ASAP2: variants seen among roughly 807,000 people sequenced by gnomAD.
The protein encoded by ASAP2 is arf-GAP with SH3 domain, ANK repeat and PH domain-containing protein 2.
ASAP2 carries 45 observed loss-of-function variants against 131.4 expected under a neutral mutation model. The observed-to-expected ratio is 0.34, with a 90% confidence interval of 0.27 to 0.44. The LOEUF (loss-of-function observed/expected upper bound fraction) is 0.44, where lower values mean the gene tolerates loss of function less well. ASAP2 is among the 20% of genes least tolerant of loss of function. The probability of loss-of-function intolerance (pLI) is 1.00; values close to 1 mark genes in which losing one functional copy is unlikely to be tolerated. For synonymous variants in ASAP2, 510 were observed against 503.0 expected (o/e 1.01, Z -0.19); for missense variants, 1,011 against 1,297.0 (o/e 0.78, Z 3.39).
At chr2:9,235,109 A>G (rs140044415) in intron 1 of ASAP2, among the ~76,000 whole-genome samples, 300 of 152,238 alleles carry the variant, frequency 2.0e-3, no homozygotes, top group African/African-American at 6.7e-3. Context: ...CGCCCGACAT[A>G]TGCCAACTGG....
intron 15 of ASAP2, among the ~76,000 whole-genome samples, chr2:9,366,254 G>A (rs1461140687): frequency 6.6e-6 from 1 of 152,038 alleles, no homozygotes; most frequent in Non-Finnish European, 1.5e-5. Context: ...CTGTCTCTCA[G>A]TTAACCAGCC....
At chr2:9,403,172 C>T (rs1676895503) in intron 27 of ASAP2, 81 bp from the exon 28 acceptor site, 1 of 1,241,320 alleles carries the variant, frequency 8.1e-7, no homozygotes, top group Non-Finnish European at 1.2e-6. Flanking sequence ...TTTTCTTCAC[C>T]AAACGCTCTA....
At chr2:9,251,227 G>C in intron 1 of ASAP2, among the ~76,000 whole-genome samples, 1 of 152,230 alleles carries the variant, frequency 6.6e-6, no homozygotes, top group East Asian at 1.9e-4. Flanking sequence ...AAGTAGAGGT[G>C]GGCCCTGTGG....
At chr2:9,307,526 C>T (rs768302668) in intron 3 of ASAP2, among the ~76,000 whole-genome samples, 12 of 152,194 alleles carry the variant, frequency 7.9e-5, no homozygotes, top group Admixed American at 3.9e-4. Flanking sequence ...CTGGGTTCTC[C>T]AGTGCTGCCC....
At chr2:9,284,710 G>T (rs1280748318) in intron 2 of ASAP2, among the ~76,000 whole-genome samples, 1 of 152,118 alleles carries the variant, frequency 6.6e-6, no homozygotes, top group Admixed American at 6.5e-5. Flanking sequence ...GGCTGCCATG[G>T]GTGTGGGCGG....
At chr2:9,372,027 TTG>T (rs976927241) in intron 16 of ASAP2, among the ~76,000 whole-genome samples, 1 of 152,144 alleles carries the variant, frequency 6.6e-6, no homozygotes, top group Non-Finnish European at 1.5e-5. Context: ...GTGCCCATGT[TTG>T]TGTAGGAGCT....
intron 9 of ASAP2, among the ~76,000 whole-genome samples, chr2:9,336,603 A>G (rs564477451): frequency 1.3e-5 from 2 of 152,310 alleles, no homozygotes; most frequent in South Asian, 2.1e-4. Flanking sequence ...TTTGGTAAAC[A>G]TGGGTCAACT....
At chr2:9,277,517 C>CT (rs769000120) in intron 1 of ASAP2, among the ~76,000 whole-genome samples, 5 of 152,152 alleles carry the variant, frequency 3.3e-5, no homozygotes, top group Non-Finnish European at 7.4e-5. Flanking sequence ...ACTCTCTACT[C>CT]TTTAGTATGG....
rs2709569 is a variant in ASAP2 at position 9,249,012 on chromosome 2, G to A, written c.127-30305G>A. Among the ~76,000 whole-genome samples, 1,155 of 152,314 alleles carry A rather than the reference G, an allele frequency of 7.6e-3. 17 individuals are homozygous for A. The highest frequency in any genetic ancestry group is 0.027 in the African/African-American group (1,113 of 41,570). ...CCCAACCCGAATACATAGGATGCTA[G>A]AATTTTAGGTCTAGAGGAGATTTTA... On this transcript the variant is annotated intron_variant, in intron 1 of 27. Transcript: ENST00000281419.
intron 16 of ASAP2, among the ~76,000 whole-genome samples, chr2:9,372,700 T>C (rs1674071455): frequency 6.6e-6 from 1 of 152,126 alleles, no homozygotes; most frequent in Non-Finnish European, 1.5e-5. Flanking sequence ...CACCCACTTA[T>C]TCCAGTTCAG....
At chr2:9,366,498 A>G (rs1391345520) in intron 15 of ASAP2, among the ~76,000 whole-genome samples, 1 of 152,128 alleles carries the variant, frequency 6.6e-6, no homozygotes, top group Non-Finnish European at 1.5e-5. Context: ...GCGCTCTGAC[A>G]TTGGGGTTCA....
chr2:9,256,111 G>A (rs779876715), intron 1 of ASAP2, among the ~76,000 whole-genome samples: 5 of 143,546 alleles, frequency 3.5e-5, no homozygotes, highest in Non-Finnish European at 4.5e-5. Flanking sequence ...ATATTTGCAC[G>A]TTCAGACATT....
At chr2:9,367,291 C>A (rs1673554450) in intron 15 of ASAP2, among the ~76,000 whole-genome samples, 1 of 151,926 alleles carries the variant, frequency 6.6e-6, no homozygotes, top group Non-Finnish European at 1.5e-5. Flanking sequence ...CCTCGGCCTC[C>A]CAAAGTGGTA....
In ASAP2 at chr2:9,387,217, A is replaced by AAAAAAAAC. The variant is rs1400779674; in HGVS notation, c.2131-1070_2131-1069insCAAAAAAA. On this transcript the variant is annotated intron_variant, in intron 21 of 27. Coordinates refer to ENST00000281419, the MANE Select transcript of ASAP2 (RefSeq NM_003887.3). ...CAACAGAGAGAGACTCTGTCTCAAAAAAAAAAAAAACCATATAACCTTCAG... is the reference window on the plus strand; with the variant it reads ...CAACAGAGAGAGACTCTGTCTCAAAAAAAAAAACAAAAAAAAAACCATATAACCTTCAG... Among the ~76,000 whole-genome samples, 204 of 151,580 alleles carry AAAAAAAAC rather than the reference A, an allele frequency of 1.3e-3. 5 individuals are homozygous for AAAAAAAAC. The highest frequency in any genetic ancestry group is 4.8e-3 in the African/African-American group (196 of 41,094).
chr2:9,326,138 T>C (rs1269112170), intron 6 of ASAP2, among the ~76,000 whole-genome samples: 1 of 152,176 alleles, frequency 6.6e-6, no homozygotes, highest in Non-Finnish European at 1.5e-5. Context: ...CCCAGCACTT[T>C]GGGAGGCTGA....
chr2:9,288,566 A>T (rs1158890510), intron 2 of ASAP2, among the ~76,000 whole-genome samples: 2 of 152,118 alleles, frequency 1.3e-5, no homozygotes, highest in Non-Finnish European at 1.5e-5. Context: ...AAAGCTGCTT[A>T]CCCTGGCAAA....
At chr2:9,245,205 A>G (rs1298782882) in intron 1 of ASAP2, among the ~76,000 whole-genome samples, 3 of 152,224 alleles carry the variant, frequency 2.0e-5, no homozygotes, top group Admixed American at 6.5e-5. Context: ...CCTCCCACAC[A>G]GGAGCTTCTG....
chr2:9,305,821 T>G (rs902282344), intron 3 of ASAP2, among the ~76,000 whole-genome samples: 1 of 150,572 alleles, frequency 6.6e-6, no homozygotes, highest in African/African-American at 2.4e-5. Flanking sequence ...GTATAGATAT[T>G]GGTGGAGGGG....
chr2:9,349,551 T>G (rs1188422478), intron 11 of ASAP2, among the ~76,000 whole-genome samples: 1 of 152,240 alleles, frequency 6.6e-6, no homozygotes, highest in Non-Finnish European at 1.5e-5. Context: ...CTTGGTATCT[T>G]CTAATACTGA....
Sources: allele counts gnomAD v4.1 joint callset (sites outside exome capture counted in the v4.1 genomes callset), GRCh38; gene constraint gnomAD v4.1.1; transcripts MANE v1.5; gene names NCBI Gene and HGNC (gene_info 2026-07-23, HGNC 2026-07-21).